Variants in AGPAT1 observed in about 807,000 individuals in gnomAD.
AGPAT1 encodes 1-acylglycerol-3-phosphate O-acyltransferase 1, also known as 1-acyl-sn-glycerol-3-phosphate acyltransferase alpha.
AGPAT1 carries 6 observed loss-of-function variants against 31.2 expected under a neutral mutation model. That is an observed-to-expected ratio of 0.19 (90% CI 0.11 to 0.38). AGPAT1 has a LOEUF of 0.38. AGPAT1 is among the 10% of genes least tolerant of loss of function. The pLI, the probability that AGPAT1 is intolerant of heterozygous loss-of-function variation, is 1.00. For synonymous variants in AGPAT1, 139 were observed against 154.0 expected (o/e 0.90, Z 0.72); for missense variants, 187 against 377.8 (o/e 0.49, Z 4.19).
rs1785284171 is a variant in AGPAT1, at chr6:32,173,583, A to C, written c.-9-2078T>G. On this transcript the variant is annotated intron_variant, in intron 1 of 6. Coordinates refer to ENST00000375107, the MANE Select transcript of AGPAT1 (RefSeq NM_006411.4). The surrounding 1 kb of genome is among the most constrained non-coding windows in gnomAD (Gnocchi z 4.7). ...CTTCTTGATAAGTTGACTTCTGCTTACATCTTCGACCACATCCTCACAAAA... is the reference window on the plus strand; with the variant it reads ...CTTCTTGATAAGTTGACTTCTGCTTCCATCTTCGACCACATCCTCACAAAA... 6.6e-6 allele frequency among the ~76,000 whole-genome samples: 1 copy of C among 152,232 alleles called. No individual in the cohort carries two copies. The highest frequency in any genetic ancestry group is 2.1e-4 in the South Asian group (1 of 4,832).
At chr6:32,177,099 A>G (rs1312603077), upstream of AGPAT1, 1 of 398,446 alleles carries the variant, frequency 2.5e-6, no homozygotes, top group Admixed American at 4.4e-5. Context: ...TCTTTACGCA[A>G]CTGCTAACTT....
upstream of AGPAT1, chr6:32,176,615 C>T: frequency 1.4e-6 from 1 of 717,932 alleles, no homozygotes; most frequent in Non-Finnish European, 1.7e-6. Context: ...GCCCTTTGTC[C>T]CTCACTATCT....
Position 32,176,060 on chromosome 6 carries a change from G to C in AGPAT1, c.-256C>G, listed in dbSNP as rs766282633. On this transcript the variant is annotated 5_prime_UTR_variant, in exon 1 of 7. Coordinates refer to ENST00000375107, the MANE Select transcript of AGPAT1 (RefSeq NM_006411.4). ...CTCCCTCCCTTTCTGCTGTCTCTCTGAGGGCTGGGGCTGCTGCCGCCGCTA... is the reference window on the plus strand; with the variant it reads ...CTCCCTCCCTTTCTGCTGTCTCTCTCAGGGCTGGGGCTGCTGCCGCCGCTA... 31 of 977,526 alleles carry C rather than the reference G, an allele frequency of 3.2e-5. No homozygotes were observed. The highest frequency in any genetic ancestry group is 3.8e-5 in the Non-Finnish European group (31 of 824,326). 60.6% of individuals were successfully genotyped at this position (977,526 alleles called of 1,614,324 possible). A position where few individuals can be genotyped will look rare whatever the true frequency, so the allele number is the denominator to read the frequency against.
At chr6:32,176,302 C>T (rs1785551914), upstream of AGPAT1, among the ~76,000 whole-genome samples, 2 of 152,190 alleles carry the variant, frequency 1.3e-5, no homozygotes, top group South Asian at 4.1e-4. Flanking sequence ...TCTCTAACTC[C>T]CTTTCAGCTC....
chr6:32,171,289 C>T lies in AGPAT1; in HGVS notation c.200+8G>A, dbSNP rs1265934164. 1.2e-5 allele frequency: 20 copies of T among 1,613,158 alleles called. No homozygotes were observed. The highest frequency in any genetic ancestry group is 1.7e-5 in the Non-Finnish European group (20 of 1,180,042). On this transcript the variant is annotated splice_region_variant and intron_variant, in intron 2 of 6. Coordinates refer to ENST00000375107, the MANE Select transcript of AGPAT1 (RefSeq NM_006411.4). This position sits in a 1 kb window ranked among gnomAD's most constrained non-coding sequence, Gnocchi z 6.9. Reference sequence around the variant, plus strand: ...TTCCCTCATTGCCCAAGACCCCTTGCCCCTCACTTCATGTTCTCGACGTTG... The same window carrying T: ...TTCCCTCATTGCCCAAGACCCCTTGTCCCTCACTTCATGTTCTCGACGTTG...
chr6:32,177,090 C>G (rs1433265624), upstream of AGPAT1: 2 of 398,592 alleles, frequency 5.0e-6, no homozygotes, highest in Admixed American at 4.4e-5. Flanking sequence ...CCCAGTCCTT[C>G]TTTACGCAAC....
chr6:32,171,468 A>G lies in AGPAT1; in HGVS notation c.29T>C (p.Leu10Pro). 6.2e-7 allele frequency: 1 copy of G among 1,606,752 alleles called. No homozygotes were observed. The highest frequency in any genetic ancestry group is 8.5e-7 in the Non-Finnish European group (1 of 1,177,418). Reference protein sequence around the residue: MDLWPGAWMLLLLLFLLLLF... With the variant: MDLWPGAWMPLLLLFLLLLF... ...CAGCAGCAGGAAGAGCAGCAGCAGCAGCATCCATGCCCCTGGCCACAAATC... is the reference window on the plus strand; with the variant it reads ...CAGCAGCAGGAAGAGCAGCAGCAGCGGCATCCATGCCCCTGGCCACAAATC... Residue 10 changes from leucine (L) to proline (P), a missense_variant, in exon 2 of 7, where the codon CTG becomes CCG. Leu to Pro is a moderately conservative substitution (Grantham distance 98). This residue lies in a region of AGPAT1 where 45 missense variants were observed against 60.9 expected (regional missense o/e 0.74). Transcript: ENST00000375107. The surrounding 1 kb of genome is among the most constrained non-coding windows in gnomAD (Gnocchi z 6.9).
rs1293636151 is a variant in AGPAT1, at chr6:32,171,401, G to A, written c.96C>T (p.Ala32=). Residue 32 remains alanine (A), a synonymous_variant, in exon 2 of 7, where the codon GCC becomes GCT. Coordinates refer to ENST00000375107, the MANE Select transcript of AGPAT1 (RefSeq NM_006411.4). The surrounding 1 kb of genome is among the most constrained non-coding windows in gnomAD (Gnocchi z 6.9). ...AGAAGGCCATCTTGAAGAAGTACTT[G>A]GCACTGGGGCTGCAGAACCACAGGG... is the stretch of plus-strand genomic sequence containing the variant. ...LPTLWFCSPS[A]KYFFKMAFYN... The A allele has an allele frequency of 6.2e-7, 1 of 1,613,208 alleles. No individual in the cohort carries two copies. The highest frequency in any genetic ancestry group is 2.2e-5 in the East Asian group (1 of 44,884).
At chr6:32,177,618 T>C (rs1785693754), upstream of AGPAT1, 1 of 152,224 alleles carries the variant, frequency 6.6e-6, no homozygotes, top group Non-Finnish European at 1.5e-5. Flanking sequence ...ATGTTCCCAC[T>C]ATCCAAACGT....
In AGPAT1 at chr6:32,172,794, G is replaced by C. The variant is rs1350712751; in HGVS notation, c.-9-1289C>G. ...TGTCACTAATGCCAACAGACACACA[G>C]TCATACAAAGACTAACATGTTCACA... On this transcript the variant is annotated intron_variant, in intron 1 of 6. Coordinates refer to ENST00000375107, the MANE Select transcript of AGPAT1 (RefSeq NM_006411.4). The surrounding 1 kb of genome is among the most constrained non-coding windows in gnomAD (Gnocchi z 4.3). The C allele has an allele frequency of 6.6e-6, 1 of 152,196 alleles. No homozygotes were observed. The highest frequency in any genetic ancestry group is 2.4e-5 in the African/African-American group (1 of 41,438). 9.4% of individuals were successfully genotyped at this position (152,196 alleles called of 1,614,324 possible).
chr6:32,170,615 G>C lies in AGPAT1; in HGVS notation c.335-15C>G. The C allele has an allele frequency of 6.2e-7, 1 of 1,609,382 alleles. No homozygotes were observed. Among genetic ancestry groups the C allele is most frequent in the Non-Finnish European group, 8.5e-7 (1 of 1,179,940 alleles). On this transcript the variant is annotated splice_polypyrimidine_tract_variant and intron_variant, in intron 3 of 6. Transcript: ENST00000375107. This position sits in a 1 kb window ranked among gnomAD's most constrained non-coding sequence, Gnocchi z 7.7. ...CTCCATCATCCCTTGGGCAGGGTGG[G>C]AGTGGGTGAGGATCGGGGTGGAGGC...
rs1582672027 is a variant in AGPAT1, at chr6:32,173,939, T to C, written c.-10+1875A>G. On this transcript the variant is annotated intron_variant, in intron 1 of 6. Transcript: ENST00000375107. This position sits in a 1 kb window ranked among gnomAD's most constrained non-coding sequence, Gnocchi z 4.7. ...GTCACTCAGGCTGGTTTTGAACTCC[T>C]GGACTCACGCGATCCTCCTGCCTCA... 6.6e-6 allele frequency among the ~76,000 whole-genome samples: 1 copy of C among 152,240 alleles called. No individual in the cohort carries two copies. The highest frequency in any genetic ancestry group is 1.5e-5 in the Non-Finnish European group (1 of 68,038).
Position 32,171,440 on chromosome 6 carries a change from GAGC to G in AGPAT1, c.54_56del (p.Leu19del). The G allele has an allele frequency of 2.5e-6, 4 of 1,612,634 alleles. No homozygotes were observed. Among genetic ancestry groups the G allele is most frequent in the Non-Finnish European group, 3.4e-6 (4 of 1,179,818 alleles). On this transcript the variant is annotated inframe_deletion, in exon 2 of 7. Coordinates refer to ENST00000375107, the MANE Select transcript of AGPAT1 (RefSeq NM_006411.4). This position sits in a 1 kb window ranked among gnomAD's most constrained non-coding sequence, Gnocchi z 6.9. ...AGAACCACAGGGTGGGCAGCAGGAA[GAGC>G]AGCAGCAGGAAGAGCAGCAGCAGCA...
chr6:32,171,716 C>T lies in AGPAT1; in HGVS notation c.-9-211G>A. The T allele has an allele frequency of 1.6e-6, 1 of 620,662 alleles. No homozygotes were observed. The highest frequency in any genetic ancestry group is 2.8e-6 in the Non-Finnish European group (1 of 356,102). The allele number at this position is 620,662 out of a possible 1,614,324, so 38.4% of individuals were successfully genotyped here. On this transcript the variant is annotated intron_variant, in intron 1 of 6. Transcript: ENST00000375107. This position sits in a 1 kb window ranked among gnomAD's most constrained non-coding sequence, Gnocchi z 6.9. ...TCAGGACTGCTCTCCCACCACTCTTCCCAAAGGCTCCGGATATATTCAGAC... is the reference window on the plus strand; with the variant it reads ...TCAGGACTGCTCTCCCACCACTCTTTCCAAAGGCTCCGGATATATTCAGAC...
chr6:32,174,593 C>G lies in AGPAT1; in HGVS notation c.-10+1221G>C, dbSNP rs185323120. ...ACAGCAGGATTGACCCTGTGACATGCATTGAGCTCATGGACACAGACTGTA... is the reference window on the plus strand; with the variant it reads ...ACAGCAGGATTGACCCTGTGACATGGATTGAGCTCATGGACACAGACTGTA... On this transcript the variant is annotated intron_variant, in intron 1 of 6. Transcript: ENST00000375107. The surrounding 1 kb of genome is among the most constrained non-coding windows in gnomAD (Gnocchi z 4.5). Among the ~76,000 whole-genome samples the G allele has an allele frequency of 6.6e-6, 1 of 152,250 alleles. No homozygotes were observed. Among genetic ancestry groups the G allele is most frequent in the Admixed American group, 6.5e-5 (1 of 15,302 alleles).
At position 32,169,349 on chromosome 6, in the gene AGPAT1, G is replaced by T; in HGVS notation, c.779C>A (p.Thr260Asn). ...LADRVRHSML[T>N]VFREISTDGR... Reference sequence around the variant, plus strand: ...ATCAGTGGAGATTTCCCGGAAAACAGTGAGCATGGAGTGCCGGACTCTGTC... The same window carrying T: ...ATCAGTGGAGATTTCCCGGAAAACATTGAGCATGGAGTGCCGGACTCTGTC... Residue 260 changes from threonine (T) to asparagine (N), a missense_variant, in exon 7 of 7, where the codon ACT (threonine) becomes AAT (asparagine). By Grantham distance (65) the Thr-to-Asn change is moderately conservative. This residue lies in a region of AGPAT1 where 29 missense variants were observed against 33.8 expected (regional missense o/e 0.86). Transcript: ENST00000375107. This position sits in a 1 kb window ranked among gnomAD's most constrained non-coding sequence, Gnocchi z 5.9. 6.2e-7 allele frequency: 1 copy of T among 1,613,010 alleles called. No individual in the cohort carries two copies. The highest frequency in any genetic ancestry group is 8.5e-7 in the Non-Finnish European group (1 of 1,179,982).
rs1784807473 is a variant in AGPAT1 at position 32,169,033 on chromosome 6, A to G, written c.*243T>C. Reference sequence around the variant, plus strand: ...GGGAGGCAACTGTCCCACAGACAAGACAGTAGGAGGTGGGGGTCAAGAGTG... The same window carrying G: ...GGGAGGCAACTGTCCCACAGACAAGGCAGTAGGAGGTGGGGGTCAAGAGTG... On this transcript the variant is annotated 3_prime_UTR_variant, in exon 7 of 7. Coordinates refer to ENST00000375107, the MANE Select transcript of AGPAT1 (RefSeq NM_006411.4). This position sits in a 1 kb window ranked among gnomAD's most constrained non-coding sequence, Gnocchi z 5.9. 1.8e-6 allele frequency: 1 copy of G among 561,570 alleles called. No homozygotes were observed. Among genetic ancestry groups the G allele is most frequent in the Non-Finnish European group, 3.2e-6 (1 of 315,228 alleles). 34.8% of individuals were successfully genotyped at this position (561,570 alleles called of 1,614,324 possible).
chr6:32,172,035 C>T lies in AGPAT1; in HGVS notation c.-9-530G>A, dbSNP rs902629895. Reference sequence around the variant, plus strand: ...ACATTTTGAAATTATAATCTTGGGCCGGGCGCAGTGGCTCACGCCTGTAAT... The same window carrying T: ...ACATTTTGAAATTATAATCTTGGGCTGGGCGCAGTGGCTCACGCCTGTAAT... On this transcript the variant is annotated intron_variant, in intron 1 of 6. Transcript: ENST00000375107. The surrounding 1 kb of genome is among the most constrained non-coding windows in gnomAD (Gnocchi z 4.3). The T allele has an allele frequency of 1.8e-5, 3 of 163,460 alleles. No individual in the cohort carries two copies. The highest frequency in any genetic ancestry group is 3.2e-4 in the South Asian group (2 of 6,340). The allele number at this position is 163,460 out of a possible 1,614,324, so 10.1% of individuals were successfully genotyped here.
At chr6:32,177,970 T>TC (rs1481076918), upstream of AGPAT1, 1 of 146,058 alleles carries the variant, frequency 6.8e-6, no homozygotes, top group African/African-American at 2.5e-5. Flanking sequence ...CCCACCCCCG[T>TC]CCCGCCGCGT....
Sources: allele counts gnomAD v4.1 joint callset (sites outside exome capture counted in the v4.1 genomes callset), GRCh38; gene constraint gnomAD v4.1.1; regional missense constraint gnomAD v4.1.1; non-coding constraint Gnocchi (gnomAD v3.1); transcripts MANE v1.5; gene names NCBI Gene and HGNC (gene_info 2026-07-23, HGNC 2026-07-21).